SLC9C2: variants seen among roughly 807,000 people sequenced by gnomAD.
SLC9C2 encodes sodium/hydrogen exchanger 11.
Under a neutral mutation model 140.2 loss-of-function variants are expected in SLC9C2, and 75 were observed. That is an observed-to-expected ratio of 0.53 (90% CI 0.44 to 0.65). The LOEUF is 0.65. SLC9C2 is among the 30% of genes least tolerant of loss of function. SLC9C2 has a pLI of 0.00. For missense variants in SLC9C2, 1,074 were observed against 1,331.8 expected (o/e 0.81, Z 3.01); for synonymous variants, 375 against 420.9 (o/e 0.89, Z 1.34).
intron 6 of SLC9C2, among the ~76,000 whole-genome samples, chr1:173,582,279 A>G (rs1571612197): frequency 6.6e-6 from 1 of 152,224 alleles, no homozygotes; most frequent in Non-Finnish European, 1.5e-5. Flanking sequence ...AATAAATGGG[A>G]AAAACTTGTG....
chr1:173,550,213 G>C (rs1307188024), intron 11 of SLC9C2, among the ~76,000 whole-genome samples: 2 of 151,944 alleles, frequency 1.3e-5, no homozygotes, highest in Admixed American at 1.3e-4. Context: ...ACCAACCAGG[G>C]CAATATAGCC....
chr1:173,548,674 A>C, intron 11 of SLC9C2, 122 bp from the exon 12 acceptor site: 1 of 1,013,414 alleles, frequency 9.9e-7, no homozygotes, highest in Non-Finnish European at 1.5e-6. Context: ...GAGTGGTTAG[A>C]GCAAGGACAA....
rs745398021 is a variant in SLC9C2 at position 173,581,999 on chromosome 1, A to T, written c.650T>A (p.Val217Glu). 13 of 1,537,852 alleles carry T rather than the reference A, an allele frequency of 8.5e-6. No homozygotes were observed. Among genetic ancestry groups the T allele is most frequent in the African/African-American group, 1.4e-5 (1 of 72,312 alleles). Residue 217 changes from valine to glutamate, a missense_variant, in exon 7 of 28, where the codon GTA (valine) becomes GAA (glutamate). Coordinates refer to ENST00000367714, the MANE Select transcript of SLC9C2 (RefSeq NM_178527.4). The part of the protein sequence containing the change: ...IHFSIFRDLH[V>E]GIELSYDILG... ...AATGTCATAGCTGAGTTCAATGCCTACATGTAAATCTAAAAAAAAGAAAGA... is the reference window on the plus strand; with the variant it reads ...AATGTCATAGCTGAGTTCAATGCCTTCATGTAAATCTAAAAAAAAGAAAGA...
At chr1:173,592,146 T>C (rs1357673658) in intron 4 of SLC9C2, among the ~76,000 whole-genome samples, 1 of 152,208 alleles carries the variant, frequency 6.6e-6, no homozygotes, top group Non-Finnish European at 1.5e-5. Context: ...TTGTTTGTTT[T>C]TATCAGCTTT....
At chr1:173,528,778 A>G (rs1161502174) in intron 18 of SLC9C2, among the ~76,000 whole-genome samples, 1 of 152,228 alleles carries the variant, frequency 6.6e-6, no homozygotes, top group African/African-American at 2.4e-5. Context: ...TTAAAAATCA[A>G]GAGTGTAACT....
intron 4 of SLC9C2, among the ~76,000 whole-genome samples, chr1:173,592,228 G>A (rs1435757467): frequency 2.6e-5 from 4 of 152,046 alleles, no homozygotes; most frequent in African/African-American, 9.7e-5. Flanking sequence ...TGGTCTATGT[G>A]TCTGTTTTTG....
intron 4 of SLC9C2, among the ~76,000 whole-genome samples, chr1:173,596,019 G>A (rs1666437621): frequency 6.6e-6 from 1 of 152,074 alleles, no homozygotes; most frequent in Non-Finnish European, 1.5e-5. Flanking sequence ...GTCTATGAAT[G>A]TAATTTTATA....
chr1:173,506,279 T>A (rs1659629709), intron 25 of SLC9C2, among the ~76,000 whole-genome samples: 1 of 152,190 alleles, frequency 6.6e-6, no homozygotes, highest in South Asian at 2.1e-4. Flanking sequence ...GGCCTCTGGG[T>A]CCTCCCCATT....
Position 173,506,996 on chromosome 1 carries a change from C to T in SLC9C2, c.3085G>A (p.Glu1029Lys), listed in dbSNP as rs767032873. The T allele has an allele frequency of 2.5e-6, 4 of 1,609,004 alleles. No individual in the cohort carries two copies. In the South Asian group the frequency reaches 4.5e-5, roughly 18 times the overall value. ...ATGTCACTATAGCTTGATAAAGTTT[C>T]CACATATGCTTGATTGAACATCACA... ...NCVMFNQAYV[E>K]TLSSYSDMII... The change falls in exon 25 of 28, where the codon GAA (glutamate) becomes AAA (lysine). Residue 1029 changes from glutamate (E) to lysine (K), a missense_variant. Transcript: ENST00000367714.
intron 22 of SLC9C2, among the ~76,000 whole-genome samples, chr1:173,519,112 G>C (rs1326995743): frequency 6.6e-6 from 1 of 152,022 alleles, no homozygotes; most frequent in Non-Finnish European, 1.5e-5. Context: ...AACAACAGAC[G>C]GGAATATTGC....
chr1:173,541,843 G>C (rs901220955), intron 13 of SLC9C2, among the ~76,000 whole-genome samples: 12 of 152,152 alleles, frequency 7.9e-5, no homozygotes, highest in Non-Finnish European at 1.5e-4. Flanking sequence ...CAGAATCTCT[G>C]GGACACATTT....
rs1262575088 is a variant in SLC9C2 at position 173,557,242 on chromosome 1, T to C, written c.1215+98A>G. Reference sequence around the variant, plus strand: ...AAAAGAATGCATTTTAAAAATCTAATTCAAAGCTGGTTAACTTTATTACTG... The same window carrying C: ...AAAAGAATGCATTTTAAAAATCTAACTCAAAGCTGGTTAACTTTATTACTG... On this transcript the variant is annotated intron_variant, in intron 10 of 27. Coordinates refer to ENST00000367714, the MANE Select transcript of SLC9C2 (RefSeq NM_178527.4). 5 of 1,181,220 alleles carry C rather than the reference T, an allele frequency of 4.2e-6. No homozygotes were observed. In the Admixed American group the frequency reaches 9.0e-5, roughly 21 times the overall value. 73.2% of individuals were successfully genotyped at this position (1,181,220 alleles called of 1,614,324 possible).
intron 9 of SLC9C2, among the ~76,000 whole-genome samples, chr1:173,562,201 C>T (rs1211660826): frequency 6.6e-6 from 1 of 152,090 alleles, no homozygotes; most frequent in Non-Finnish European, 1.5e-5. Flanking sequence ...GTGTTGACTG[C>T]AACATCAAAA....
At chr1:173,576,803 C>A (rs1373495476) in intron 7 of SLC9C2, 43 bp from the exon 8 acceptor site, 3 of 1,149,602 alleles carry the variant, frequency 2.6e-6, no homozygotes, top group East Asian at 2.4e-5. Context: ...GCAATGTATT[C>A]ATATCTGCAC....
At chr1:173,533,916 T>G in intron 16 of SLC9C2, 119 bp from the exon 17 acceptor site, 2 of 1,142,716 alleles carry the variant, frequency 1.8e-6, no homozygotes, top group Non-Finnish European at 2.3e-6. Flanking sequence ...AAAGTTGAGC[T>G]TTAAGTTATT....
At chr1:173,588,136 C>G (rs1372119011) in intron 4 of SLC9C2, among the ~76,000 whole-genome samples, 2 of 152,132 alleles carry the variant, frequency 1.3e-5, no homozygotes, top group Non-Finnish European at 2.9e-5. Context: ...CTATATAAAA[C>G]ATATCCTGAT....
At chr1:173,540,874 C>G (rs907816987) in intron 13 of SLC9C2, among the ~76,000 whole-genome samples, 1 of 151,904 alleles carries the variant, frequency 6.6e-6, no homozygotes, top group Non-Finnish European at 1.5e-5. Flanking sequence ...CTACAGCTGG[C>G]AAAGATCTAA....
chr1:173,510,101 G>A lies in SLC9C2; in HGVS notation c.2908-402C>T, dbSNP rs556090893. Among the ~76,000 whole-genome samples the A allele has an allele frequency of 1.2e-4, 19 of 152,212 alleles. No individual in the cohort carries two copies. The East Asian group carries it at 3.7e-3, about 29-fold the overall frequency. On this transcript the variant is annotated intron_variant, in intron 23 of 27. Transcript: ENST00000367714. ...GCAAATAGTTTAGCTGAATAAAAAA[G>A]ATACACTTTCAGATTCAAGTTACAC... is the stretch of plus-strand genomic sequence containing the variant.
chr1:173,556,107 A>G (rs1379707320), intron 10 of SLC9C2, among the ~76,000 whole-genome samples: 3 of 152,210 alleles, frequency 2.0e-5, no homozygotes, highest in Non-Finnish European at 4.4e-5. Flanking sequence ...TCTTGAGCTC[A>G]TATCATTCAA....
Sources: allele counts gnomAD v4.1 joint callset (sites outside exome capture counted in the v4.1 genomes callset), GRCh38; gene constraint gnomAD v4.1.1; transcripts MANE v1.5; gene names NCBI Gene and HGNC (gene_info 2026-07-23, HGNC 2026-07-21).